Variants in ZNF148 observed in about 807,000 individuals in gnomAD.
ZNF148 encodes Beta-Enolase Repressor Factor-1.
A neutral mutation model predicts 67.7 loss-of-function variants in ZNF148; 7 were observed. That is an observed-to-expected ratio of 0.10 (90% confidence interval 0.06 to 0.19). The LOEUF is 0.19. ZNF148 is among the 10% of genes least tolerant of loss of function. ZNF148 has a pLI of 1.00. For missense variants in ZNF148, 583 were observed against 947.1 expected (o/e 0.62, Z 5.05); for synonymous variants, 333 against 330.7 (o/e 1.01, Z -0.08).
intron 1 of ZNF148, among the ~76,000 whole-genome samples, chr3:125,336,922 G>A (rs931627932): frequency 2.7e-5 from 4 of 149,208 alleles, no homozygotes; most frequent in African/African-American, 7.4e-5. Context: ...TGATCCACCC[G>A]CCGTGGCCTC....
chr3:125,289,343 A>C, intron 4 of ZNF148, among the ~76,000 whole-genome samples: 1 of 152,214 alleles, frequency 6.6e-6, no homozygotes, highest in Non-Finnish European at 1.5e-5. Context: ...TGACAAAATA[A>C]AAAGTGGAAG....
At chr3:125,246,473 T>A (rs541134960) in intron 7 of ZNF148, among the ~76,000 whole-genome samples, 1 of 151,972 alleles carries the variant, frequency 6.6e-6, no homozygotes, top group South Asian at 2.1e-4. Context: ...GAAATAAGCA[T>A]GTATTTAAAC....
chr3:125,345,256 A>G (rs1941896391), intron 1 of ZNF148, among the ~76,000 whole-genome samples: 1 of 152,206 alleles, frequency 6.6e-6, no homozygotes, highest in East Asian at 1.9e-4. Flanking sequence ...GAAAATCTCT[A>G]AATAGAGCAA....
chr3:125,356,329 C>T (rs1942342145), intron 1 of ZNF148, among the ~76,000 whole-genome samples: 1 of 152,134 alleles, frequency 6.6e-6, no homozygotes, highest in Non-Finnish European at 1.5e-5. Flanking sequence ...ATAAGAGACC[C>T]AGAGTCTATT....
intron 1 of ZNF148, among the ~76,000 whole-genome samples, chr3:125,357,555 G>A (rs987570484): frequency 6.0e-5 from 9 of 150,088 alleles, no homozygotes; most frequent in African/African-American, 1.5e-4. Flanking sequence ...CAGCCCACCC[G>A]CCACCACGCA....
At chr3:125,348,268 A>G (rs1340215866) in intron 1 of ZNF148, among the ~76,000 whole-genome samples, 2 of 152,000 alleles carry the variant, frequency 1.3e-5, no homozygotes, top group Non-Finnish European at 2.9e-5. Flanking sequence ...CCAAGAAAAA[A>G]AAAATTAGTT....
intron 4 of ZNF148, among the ~76,000 whole-genome samples, chr3:125,295,931 T>C (rs1939258485): frequency 6.6e-6 from 1 of 152,096 alleles, no homozygotes. Flanking sequence ...AGTTATTAAT[T>C]ATCATACAAT....
intron 7 of ZNF148, among the ~76,000 whole-genome samples, chr3:125,244,188 C>A (rs1187863508): frequency 6.6e-6 from 1 of 152,128 alleles, no homozygotes; most frequent in Admixed American, 6.5e-5. Flanking sequence ...GACTGTTTCC[C>A]CAATGTGATG....
In ZNF148 at chr3:125,369,458, C is replaced by T. The variant is rs546716469; in HGVS notation, c.-234+5644G>A. 1.2e-3 allele frequency among the ~76,000 whole-genome samples: 168 copies of T among 143,674 alleles called. 1 individual carries two copies. The highest frequency in any genetic ancestry group is 4.2e-3 in the African/African-American group (162 of 38,482). 94.3% of individuals were successfully genotyped at this position (143,674 alleles called of 152,430 possible). On this transcript the variant is annotated intron_variant, in intron 1 of 8. Transcript: ENST00000360647. ...CTCCTAGCAAACAGGGACCATGTTT[C>T]GCTCACCTTTATAGACCCCTTCCCC...
rs1935853062 is a variant in ZNF148, at chr3:125,231,523, C to T, written c.*818G>A. 1 of 152,450 alleles carries T rather than the reference C, an allele frequency of 6.6e-6. No homozygotes were observed. Among genetic ancestry groups the T allele is most frequent in the African/African-American group, 2.4e-5 (1 of 41,414 alleles). The allele number at this position is 152,450 out of a possible 1,614,324, so 9.4% of individuals were successfully genotyped here. A position where few individuals can be genotyped will look rare whatever the true frequency, so the allele number is the denominator to read the frequency against. On this transcript the variant is annotated 3_prime_UTR_variant, in exon 9 of 9. Coordinates refer to ENST00000360647, the MANE Select transcript of ZNF148 (RefSeq NM_021964.3). ...ATTATGTTCTTGGGAATGTAATCTA[C>T]AGAATTTCTTTTACTAAAACTTCAA... is the stretch of plus-strand genomic sequence containing the variant.
chr3:125,328,692 A>G (rs1941137339), intron 2 of ZNF148, among the ~76,000 whole-genome samples: 1 of 152,104 alleles, frequency 6.6e-6, no homozygotes, highest in Admixed American at 6.5e-5. Context: ...ATACAAGTAT[A>G]TAAAGAGCTC....
intron 1 of ZNF148, among the ~76,000 whole-genome samples, chr3:125,340,901 T>C (rs974226380): frequency 7.2e-6 from 1 of 138,804 alleles, no homozygotes; most frequent in Non-Finnish European, 1.5e-5. Flanking sequence ...GGCAGGAGAA[T>C]GGCGTGAACC....
chr3:125,253,935 C>G (rs1936959713), intron 7 of ZNF148, among the ~76,000 whole-genome samples: 1 of 152,126 alleles, frequency 6.6e-6, no homozygotes, highest in Non-Finnish European at 1.5e-5. Flanking sequence ...ATAAAACAAA[C>G]TGAAAAGTGC....
intron 2 of ZNF148, among the ~76,000 whole-genome samples, chr3:125,326,503 A>G (rs1160274980): frequency 6.6e-6 from 1 of 151,654 alleles, no homozygotes; most frequent in African/African-American, 2.4e-5. Flanking sequence ...AAAAAAATCA[A>G]TGGAGTAATT....
chr3:125,248,331 T>C (rs1423694572), intron 7 of ZNF148, among the ~76,000 whole-genome samples: 2 of 152,176 alleles, frequency 1.3e-5, no homozygotes, highest in African/African-American at 2.4e-5. Context: ...AATTTCCAGC[T>C]ACCTCCTGAA....
chr3:125,295,333 A>T (rs923243174), intron 4 of ZNF148, among the ~76,000 whole-genome samples: 3 of 152,020 alleles, frequency 2.0e-5, no homozygotes, highest in Non-Finnish European at 2.9e-5. Context: ...GACTCCTGTA[A>T]TCCCAGCTAC....
intron 7 of ZNF148, among the ~76,000 whole-genome samples, chr3:125,263,244 T>C (rs578177876): frequency 5.3e-4 from 80 of 152,292 alleles, no homozygotes; most frequent in African/African-American, 1.9e-3. Context: ...CAGGGTAATA[T>C]TGTAGTATAA....
At chr3:125,322,506 G>C (rs1940829114) in intron 3 of ZNF148, among the ~76,000 whole-genome samples, 1 of 149,998 alleles carries the variant, frequency 6.7e-6, no homozygotes, top group Non-Finnish European at 1.5e-5. Context: ...AGAGCCAGAG[G>C]GATCTGAGTG....
intron 1 of ZNF148, among the ~76,000 whole-genome samples, chr3:125,351,380 CAAAAAAAAA>C (rs1158167448): frequency 1.2e-4 from 6 of 51,352 alleles, no homozygotes; most frequent in Non-Finnish European, 1.6e-4. Context: ...CCTTGTTTCT[CAAAAAAAAA>C]AAAAAAAAAA....
Sources: allele counts gnomAD v4.1 joint callset (sites outside exome capture counted in the v4.1 genomes callset), GRCh38; gene constraint gnomAD v4.1.1; transcripts MANE v1.5; gene names NCBI Gene and HGNC (gene_info 2026-07-23, HGNC 2026-07-21).